Variants in SP110 observed in about 807,000 individuals in gnomAD.
The protein encoded by SP110 is SP110 nuclear body protein.
SP110 carries 62 observed loss-of-function variants against 92.7 expected under a neutral mutation model. That is an observed-to-expected ratio of 0.67 (90% CI 0.55 to 0.83). The LOEUF (loss-of-function observed/expected upper bound fraction) is 0.83. SP110 is among the 40% of genes least tolerant of loss of function. The probability of loss-of-function intolerance (pLI) is 0.00; values close to 1 mark genes in which losing one functional copy is unlikely to be tolerated. For missense variants in SP110, 793 were observed against 863.9 expected, an observed-to-expected ratio of 0.92 and a Z score of 1.03; for synonymous variants, 273 against 305.3, an observed-to-expected ratio of 0.89 and a Z score of 1.10.
In SP110 at chr2:230,211,383, C is replaced by T. The variant is rs1259550777; in HGVS notation, c.751+87G>A. On this transcript the variant is annotated intron_variant, in intron 6 of 18. Transcript: ENST00000258381. The surrounding 1 kb of genome is among the most constrained non-coding windows in gnomAD (Gnocchi z 4.2). ...AGATTGCTGAGAGGCAGGAGGAGAG[C>T]CCCCTCTCTAGAAGATCCGAATGGC... is the stretch of plus-strand genomic sequence containing the variant. 1.2e-6 allele frequency: 1 copy of T among 862,716 alleles called. No individual in the cohort carries two copies. Among genetic ancestry groups the T allele is most frequent in the Non-Finnish European group, 2.0e-6 (1 of 499,566 alleles). The allele number at this position is 862,716 out of a possible 1,614,324, so 53.4% of individuals were successfully genotyped here.
chr2:230,186,123 C>T lies in SP110; in HGVS notation c.1150G>A (p.Gly384Ser). The change falls in exon 11 of 19, where the codon GGC becomes AGC. Residue 384 changes from glycine (G) to serine (S), a missense_variant. By Grantham distance (56) the Gly-to-Ser change is moderately conservative (BLOSUM62 0). Coordinates refer to ENST00000258381, the MANE Select transcript of SP110 (RefSeq NM_080424.4). ...ACCACTTGGAGCTTCTCTTGGATGCCATGCCCAGGTGAGGCTGCCCCTGGA... is the reference window on the plus strand; with the variant it reads ...ACCACTTGGAGCTTCTCTTGGATGCTATGCCCAGGTGAGGCTGCCCCTGGA... ...VTQGAASPGH[G>S]IQEKLQVVDK... is the part of the protein sequence containing the mutation. The T allele has an allele frequency of 3.1e-6, 5 of 1,614,116 alleles. No homozygotes were observed. The highest frequency in any genetic ancestry group is 4.2e-6 in the Non-Finnish European group (5 of 1,180,012).
Position 230,212,998 on chromosome 2 carries a change from C to A in SP110, c.346G>T (p.Asp116Tyr), listed in dbSNP as rs752311175. Residue 116 changes from aspartate (D) to tyrosine (Y), a missense_variant, in exon 4 of 19, where the codon GAC (aspartate) becomes TAC (tyrosine). Transcript: ENST00000258381. ...VGASYEWQSR[D>Y]TPILLEAPTG... ...GGGGCTTCAAGTAGGATTGGTGTGT[C>A]TCTGCTCTGCCATTCATAGGAAGCA... is the stretch of plus-strand genomic sequence containing the variant. The A allele has an allele frequency of 6.2e-7, 1 of 1,614,000 alleles. No homozygotes were observed. Among genetic ancestry groups the A allele is most frequent in the Non-Finnish European group, 8.5e-7 (1 of 1,179,974 alleles).
chr2:230,215,144 A>G (rs41309084), intron 2 of SP110, 26 bp from the exon 3 acceptor site: 442 of 1,566,922 alleles, frequency 2.8e-4, no homozygotes, highest in Non-Finnish European at 3.8e-4. Context: ...GAAGGTTTTT[A>G]TAAATGACTA....
chr2:230,220,122 C>T (rs1347701601), upstream of SP110: 6 of 977,438 alleles, frequency 6.1e-6, no homozygotes, highest in Non-Finnish European at 7.3e-6. Context: ...TGTGAGGCTC[C>T]CAGGACGTCT....
rs200906452 is a variant in SP110 at position 230,172,185 on chromosome 2, G to A, written c.1707-11C>T. 5.2e-6 allele frequency: 8 copies of A among 1,549,928 alleles called. No homozygotes were observed. Among genetic ancestry groups the A allele is most frequent in the Middle Eastern group, 1.7e-4 (1 of 5,940 alleles). On this transcript the variant is annotated splice_polypyrimidine_tract_variant and intron_variant, in intron 15 of 18. Transcript: ENST00000258381. ...CAACTCCACAGCATCCTGAGAGGTT[G>A]GACACAAGGTGAGCAGAGGGCAAAG...
intron 16 of SP110, 59 bp from the exon 17 acceptor site, chr2:230,171,826 C>G: frequency 1.5e-6 from 2 of 1,345,562 alleles, no homozygotes; most frequent in East Asian, 4.6e-5. Flanking sequence ...TGAAGCCAGG[C>G]GAGTGTCTAG....
intron 14 of SP110, among the ~76,000 whole-genome samples, chr2:230,175,101 A>G (rs1051189017): frequency 2.0e-5 from 3 of 152,160 alleles, no homozygotes; most frequent in Non-Finnish European, 2.9e-5. Context: ...CCAATTGTAC[A>G]TAAAGGTATA....
chr2:230,225,487 G>C (rs1447887116), intron 1 of SP110: 1 of 356,682 alleles, frequency 2.8e-6, no homozygotes, highest in Non-Finnish European at 5.4e-6. Flanking sequence ...CTCAGCAAGG[G>C]GTGGGGACAA....
chr2:230,209,387 A>G (rs2044221276), intron 7 of SP110, among the ~76,000 whole-genome samples: 1 of 152,106 alleles, frequency 6.6e-6, no homozygotes, highest in Non-Finnish European at 1.5e-5. Context: ...AATGACAGAA[A>G]AGCAGCTTTT....
At chr2:230,221,955 T>C (rs2045855334), upstream of SP110, among the ~76,000 whole-genome samples, 1 of 152,212 alleles carries the variant, frequency 6.6e-6, no homozygotes, top group Non-Finnish European at 1.5e-5. Context: ...CTGGGCACAG[T>C]GGCTCAGGCC....
At position 230,212,870 on chromosome 2, in the gene SP110, C is replaced by G; in HGVS notation, c.474G>C (p.Glu158Asp). Residue 158 changes from glutamate to aspartate, a missense_variant, in exon 4 of 19, where the codon GAG becomes GAC. Physicochemically the swap from Glu to Asp is conservative, Grantham distance 45 (BLOSUM62 2). Transcript: ENST00000258381. ...CGCTTTGCTGGGAGGATGTTCCAGG[C>G]TCACTGACTCTTGGCGCACAGGGTG... ...SCSPCAPRVS[E>D]PGTSSQQSDE... The G allele has an allele frequency of 6.2e-7, 1 of 1,614,094 alleles. No homozygotes were observed. Among genetic ancestry groups the G allele is most frequent in the Non-Finnish European group, 8.5e-7 (1 of 1,180,004 alleles).
upstream of SP110, among the ~76,000 whole-genome samples, chr2:230,222,425 T>C (rs1273889646): frequency 1.3e-5 from 2 of 152,172 alleles, no homozygotes; most frequent in African/African-American, 4.8e-5. Context: ...AGTCAAGATG[T>C]AGACCATTTC....
chr2:230,183,340 G>T (rs1399986216), intron 12 of SP110, among the ~76,000 whole-genome samples: 3 of 152,216 alleles, frequency 2.0e-5, no homozygotes, highest in African/African-American at 4.8e-5. Context: ...TTGGGTCTTT[G>T]TATAGCTCTG....
chr2:230,215,118 C>G lies in SP110; in HGVS notation c.148G>C (p.Glu50Gln), dbSNP rs758667092. 23 of 1,612,178 alleles carry G rather than the reference C, an allele frequency of 1.4e-5. No homozygotes were observed. Among genetic ancestry groups the G allele is most frequent in the Non-Finnish European group, 1.9e-5 (22 of 1,178,550 alleles). ...NSIITKRMYM[E>Q]SLEACRNLIP... is the part of the protein sequence containing the mutation. The stretch of plus-strand genomic sequence containing the variant: ...AAATTTCTACAGGCTTCCAGAGATT[C>G]CTATAAAAATGGAGTGAAGGTTTTT... Residue 50 changes from glutamate (E) to glutamine (Q), a missense_variant and splice_region_variant, in exon 3 of 19, where the codon GAA becomes CAA. Coordinates refer to ENST00000258381, the MANE Select transcript of SP110 (RefSeq NM_080424.4).
rs1320540549 is a variant in SP110 at position 230,212,987 on chromosome 2, G to T, written c.357C>A (p.Ile119=). The T allele has an allele frequency of 1.9e-6, 3 of 1,613,978 alleles. No homozygotes were observed. Among genetic ancestry groups the T allele is most frequent in the Non-Finnish European group, 2.5e-6 (3 of 1,179,994 alleles). The change falls in exon 4 of 19, where the codon ATC becomes ATA. Residue 119 remains isoleucine, a synonymous_variant. Coordinates refer to ENST00000258381, the MANE Select transcript of SP110 (RefSeq NM_080424.4). The stretch of plus-strand genomic sequence containing the variant: ...CTAGGCCAGTTGGGGCTTCAAGTAG[G>T]ATTGGTGTGTCTCTGCTCTGCCATT... ...SYEWQSRDTP[I]LLEAPTGLAE...
chr2:230,220,075 G>C (rs2045672301), upstream of SP110: 4 of 985,506 alleles, frequency 4.1e-6, no homozygotes, highest in Non-Finnish European at 4.8e-6. Context: ...AAGGCAGGTC[G>C]GTGCCTGCAG....
At chr2:230,189,552 T>C (rs1376297269) in intron 10 of SP110, among the ~76,000 whole-genome samples, 1 of 152,196 alleles carries the variant, frequency 6.6e-6, no homozygotes. Context: ...AGGAGATACT[T>C]AATATAATTT....
chr2:230,180,905 A>G (rs572922712), intron 12 of SP110, among the ~76,000 whole-genome samples: 1 of 152,336 alleles, frequency 6.6e-6, no homozygotes, highest in South Asian at 2.1e-4. Context: ...AAATTGGAAC[A>G]CATAGGTTGA....
At chr2:230,177,782 A>G in intron 13 of SP110, 102 bp from the exon 14 acceptor site, 1 of 1,318,028 alleles carries the variant, frequency 7.6e-7, no homozygotes. Context: ...AGGTCAAGAG[A>G]GACTTCCTCT....
Sources: allele counts gnomAD v4.1 joint callset (sites outside exome capture counted in the v4.1 genomes callset), GRCh38; gene constraint gnomAD v4.1.1; non-coding constraint Gnocchi (gnomAD v3.1); transcripts MANE v1.5; gene names NCBI Gene and HGNC (gene_info 2026-07-23, HGNC 2026-07-21).